The following TBC1D19 variants were observed in gnomAD, a reference collection of about 807,000 sequenced individuals.
TBC1D19 encodes TBC1 domain family member 19, also known as TBC1 domain family, member 19.
In TBC1D19, 60 loss-of-function variants were observed where a neutral mutation model predicts 89.0. The observed-to-expected ratio is 0.67, with a 90% CI of 0.55 to 0.84. The LOEUF (loss-of-function observed/expected upper bound fraction) is 0.84, where lower values mean the gene tolerates loss of function less well. Ranked by LOEUF, TBC1D19 falls within the 40% of genes least tolerant of loss-of-function variation. The pLI is 0.00. For synonymous variants in TBC1D19, 189 were observed against 199.7 expected (o/e 0.95, Z 0.45); for missense variants, 500 against 610.8 (o/e 0.82, Z 1.91).
intron 4 of TBC1D19, among the ~76,000 whole-genome samples, chr4:26,628,490 T>C (rs1027367341): frequency 5.3e-5 from 8 of 152,108 alleles, no homozygotes; most frequent in Admixed American, 5.3e-4. Flanking sequence ...TTCAACATAG[T>C]GTTGGAAGTT....
chr4:26,703,683 G>A (rs1018266319), intron 13 of TBC1D19, among the ~76,000 whole-genome samples: 1 of 151,526 alleles, frequency 6.6e-6, no homozygotes, highest in African/African-American at 2.4e-5. Flanking sequence ...TCCGGGCACG[G>A]TGGCTCATGC....
intron 7 of TBC1D19, among the ~76,000 whole-genome samples, chr4:26,655,673 G>A (rs770816899): frequency 6.6e-6 from 1 of 152,250 alleles, no homozygotes; most frequent in Non-Finnish European, 1.5e-5. Context: ...CTCCGAGCCA[G>A]GCACGGGATA....
intron 1 of TBC1D19, among the ~76,000 whole-genome samples, chr4:26,599,612 G>A (rs915391807): frequency 3.9e-5 from 6 of 151,988 alleles, no homozygotes; most frequent in Admixed American, 6.6e-5. Flanking sequence ...TATGTTTTTC[G>A]TTTTCTGAGT....
At chr4:26,683,225 G>A (rs1713517408) in intron 11 of TBC1D19, among the ~76,000 whole-genome samples, 1 of 152,120 alleles carries the variant, frequency 6.6e-6, no homozygotes, top group Non-Finnish European at 1.5e-5. Context: ...CAGGTTTCTT[G>A]AGGTTAAATG....
At chr4:26,636,441 C>T (rs1478032954) in intron 4 of TBC1D19, among the ~76,000 whole-genome samples, 1 of 138,068 alleles carries the variant, frequency 7.2e-6, no homozygotes, top group Admixed American at 7.6e-5. Flanking sequence ...GATTGTGACA[C>T]ATTCTAAGAG....
chr4:26,808,534 A>C, the TBC1D19 span, among the ~76,000 whole-genome samples: 4 of 152,104 alleles, frequency 2.6e-5, no homozygotes, highest in Non-Finnish European at 5.9e-5. Flanking sequence ...GATTGAGACC[A>C]TCCTGAACAG....
chr4:26,857,736 AC>A, the TBC1D19 span: 1 of 152,224 alleles, frequency 6.6e-6, no homozygotes, highest in African/African-American at 2.4e-5. Context: ...CCAGTCGGGA[AC>A]CGGTTCTCCG....
chr4:26,721,256 C>T (rs1716956209), intron 15 of TBC1D19, among the ~76,000 whole-genome samples: 1 of 151,882 alleles, frequency 6.6e-6, no homozygotes, highest in African/African-American at 2.4e-5. Flanking sequence ...TTCTTATGCC[C>T]ACCCCCAAAA....
At chr4:26,689,121 G>A (rs986879634) in intron 13 of TBC1D19, among the ~76,000 whole-genome samples, 4 of 151,998 alleles carry the variant, frequency 2.6e-5, no homozygotes. Flanking sequence ...ATGTGTTTAA[G>A]AGAGAATATA....
At chr4:26,660,831 C>T (rs887072306) in intron 8 of TBC1D19, among the ~76,000 whole-genome samples, 7 of 152,192 alleles carry the variant, frequency 4.6e-5, no homozygotes, top group African/African-American at 1.7e-4. Context: ...GGACCCTTTT[C>T]TAAGTTCTTA....
the TBC1D19 span, among the ~76,000 whole-genome samples, chr4:26,766,118 C>T: frequency 1.3e-5 from 2 of 152,006 alleles, no homozygotes; most frequent in East Asian, 3.9e-4. Context: ...CCTCCCCTAG[C>T]ATAGGAGAAA....
rs546470735 is a variant in TBC1D19, at chr4:26,737,413, C to T, written c.1117+1926C>T. 2.0e-5 allele frequency among the ~76,000 whole-genome samples: 3 copies of T among 152,086 alleles called. 1 individual carries two copies. In the South Asian group the frequency reaches 6.2e-4, roughly 32 times the overall value. On this transcript the variant is annotated intron_variant, in intron 16 of 20. Transcript: ENST00000264866. ...CTTTCTACTTTAATAGTTCCAACTG[C>T]AAAAATTTTTCAAGTAAATCGTTTT...
chr4:26,842,803 C>T, the TBC1D19 span, among the ~76,000 whole-genome samples: 2 of 152,004 alleles, frequency 1.3e-5, no homozygotes, highest in Non-Finnish European at 2.9e-5. Context: ...GCCACAGTGC[C>T]TGGCCTATTT....
At chr4:26,622,243 A>G (rs1742103174) in intron 4 of TBC1D19, among the ~76,000 whole-genome samples, 1 of 151,856 alleles carries the variant, frequency 6.6e-6, no homozygotes, top group Admixed American at 6.6e-5. Context: ...TTAAAGTATA[A>G]TAATAATAAT....
At chr4:26,748,376 G>A (rs774242410) in intron 18 of TBC1D19, 35 bp from the exon 19 acceptor site, 3 of 1,497,886 alleles carry the variant, frequency 2.0e-6, no homozygotes, top group Admixed American at 3.5e-5. Flanking sequence ...AAAAATTTCA[G>A]TGGTACATTA....
intron 8 of TBC1D19, among the ~76,000 whole-genome samples, chr4:26,661,764 T>A (rs940109144): frequency 6.6e-6 from 1 of 152,158 alleles, no homozygotes; most frequent in Non-Finnish European, 1.5e-5. Flanking sequence ...CATGACAGTA[T>A]ACTAGCATGC....
At chr4:26,734,455 G>C (rs1469657834) in intron 15 of TBC1D19, among the ~76,000 whole-genome samples, 1 of 152,096 alleles carries the variant, frequency 6.6e-6, no homozygotes, top group African/African-American at 2.4e-5. Flanking sequence ...CAAAACTTCT[G>C]TTTTGAACTA....
the TBC1D19 span, among the ~76,000 whole-genome samples, chr4:26,778,987 T>A: frequency 6.6e-6 from 1 of 152,188 alleles, no homozygotes; most frequent in Non-Finnish European, 1.5e-5. Flanking sequence ...GCATAGCATA[T>A]GTTAAAACTC....
chr4:26,836,982 G>T, the TBC1D19 span, among the ~76,000 whole-genome samples: 2 of 152,148 alleles, frequency 1.3e-5, no homozygotes, highest in African/African-American at 4.8e-5. Flanking sequence ...CTATTTTCGA[G>T]CCTGGACCCA....
Sources: allele counts gnomAD v4.1 joint callset (sites outside exome capture counted in the v4.1 genomes callset), GRCh38; gene constraint gnomAD v4.1.1; transcripts MANE v1.5; gene names NCBI Gene and HGNC (gene_info 2026-07-23, HGNC 2026-07-21).